Variants in ZNF407 observed in about 807,000 individuals in gnomAD.
The protein encoded by ZNF407 is zinc finger protein 407.
In ZNF407, 17 loss-of-function variants were observed where a neutral mutation model predicts 131.2. That is an observed-to-expected ratio of 0.13 (90% CI 0.09 to 0.19). The LOEUF is 0.19. ZNF407 is among the 10% of genes least tolerant of loss of function. The pLI is 1.00. For missense variants in ZNF407, 2,681 were observed against 2,830.6 expected, an observed-to-expected ratio of 0.95 and a Z score of 1.20; for synonymous variants, 1,156 against 1,062.0, an observed-to-expected ratio of 1.09 and a Z score of -1.72.
intron 3 of ZNF407, among the ~76,000 whole-genome samples, chr18:74,700,034 A>G (rs1407225792): frequency 6.6e-6 from 1 of 152,212 alleles, no homozygotes; most frequent in Admixed American, 6.5e-5. Flanking sequence ...TATGGTTACC[A>G]TGCTTAAAAA....
chr18:74,850,516 T>C (rs1970767276), intron 4 of ZNF407, among the ~76,000 whole-genome samples: 1 of 152,206 alleles, frequency 6.6e-6, no homozygotes, highest in Non-Finnish European at 1.5e-5. Flanking sequence ...TTATGGCAGA[T>C]GCACTCCCAT....
At chr18:74,638,883 G>T (rs1451807510) in intron 2 of ZNF407, among the ~76,000 whole-genome samples, 2 of 151,958 alleles carry the variant, frequency 1.3e-5, no homozygotes, top group Non-Finnish European at 2.9e-5. Flanking sequence ...AAACAGAAAT[G>T]TTATTAGTTA....
intron 3 of ZNF407, among the ~76,000 whole-genome samples, chr18:74,713,271 A>G (rs536647930): frequency 2.6e-5 from 4 of 152,144 alleles, no homozygotes; most frequent in African/African-American, 9.6e-5. Context: ...TGACATGGGC[A>G]ATTTATACAT....
Position 74,827,388 on chromosome 18 carries a change from CTTTA to C in ZNF407, c.4877+45894_4877+45897del, listed in dbSNP as rs200279643. Among the ~76,000 whole-genome samples, 445 of 152,042 alleles carry C rather than the reference CTTTA, an allele frequency of 2.9e-3. 3 individuals carry two copies. Among genetic ancestry groups the C allele is most frequent in the African/African-American group, 9.8e-3 (408 of 41,492 alleles). Reference sequence around the variant, plus strand: ...ATTTTTCTGTTGACATTTCTTTTCACTTTATTTATTTTTCTTAATTTGTTGGTAT... The same window carrying C: ...ATTTTTCTGTTGACATTTCTTTTCACTTTATTTTTCTTAATTTGTTGGTAT... On this transcript the variant is annotated intron_variant, in intron 4 of 8. Coordinates refer to ENST00000299687, the MANE Select transcript of ZNF407 (RefSeq NM_017757.3).
At chr18:75,022,907 A>G (rs1568303813) in intron 8 of ZNF407, among the ~76,000 whole-genome samples, 1 of 152,328 alleles carries the variant, frequency 6.6e-6, no homozygotes, top group East Asian at 1.9e-4. Flanking sequence ...ACTATTAACA[A>G]TAGCAAAGAC....
intron 1 of ZNF407, among the ~76,000 whole-genome samples, chr18:74,614,803 G>A (rs751986062): frequency 4.6e-5 from 7 of 152,132 alleles, no homozygotes; most frequent in Non-Finnish European, 1.0e-4. Context: ...TTTTCCAGTT[G>A]CATTTCTGAG....
chr18:74,995,974 T>C (rs956152823), intron 8 of ZNF407, among the ~76,000 whole-genome samples: 1 of 152,260 alleles, frequency 6.6e-6, no homozygotes, highest in Non-Finnish European at 1.5e-5. Context: ...TGTGAATACA[T>C]GGTCTTTGGA....
intron 4 of ZNF407, among the ~76,000 whole-genome samples, chr18:74,787,266 A>C (rs1243481113): frequency 1.3e-5 from 2 of 152,218 alleles, no homozygotes; most frequent in Non-Finnish European, 2.9e-5. Context: ...TTACTAAGGC[A>C]CATGTGGAGA....
intron 8 of ZNF407, among the ~76,000 whole-genome samples, chr18:74,921,884 A>G (rs770040441): frequency 1.3e-5 from 2 of 152,226 alleles, no homozygotes; most frequent in Non-Finnish European, 1.5e-5. Context: ...TATCTATGTT[A>G]TAAGAAATTG....
At chr18:74,866,987 GAA>G (rs35418996) in intron 4 of ZNF407, among the ~76,000 whole-genome samples, 140 of 62,774 alleles carry the variant, frequency 2.2e-3, no homozygotes, top group East Asian at 3.9e-3. Context: ...GTGTCTACCC[GAA>G]AAAAAAAAAA....
chr18:74,798,902 T>C (rs1346116869), intron 4 of ZNF407, among the ~76,000 whole-genome samples: 1 of 152,124 alleles, frequency 6.6e-6, no homozygotes, highest in Non-Finnish European at 1.5e-5. Context: ...TTTATAATAG[T>C]GTTGATGCTT....
chr18:75,017,964 T>C (rs986644165), intron 8 of ZNF407, among the ~76,000 whole-genome samples: 1 of 152,162 alleles, frequency 6.6e-6, no homozygotes, highest in Non-Finnish European at 1.5e-5. Context: ...CTAAGCAAAC[T>C]GTAATTGAAT....
chr18:74,707,550 C>T (rs1484405899), intron 3 of ZNF407, among the ~76,000 whole-genome samples: 2 of 152,120 alleles, frequency 1.3e-5, no homozygotes, highest in African/African-American at 2.4e-5. Context: ...GTTGATGCTC[C>T]AAAAGTTTCG....
chr18:74,812,509 A>G (rs1292011259), intron 4 of ZNF407, among the ~76,000 whole-genome samples: 1 of 151,934 alleles, frequency 6.6e-6, no homozygotes, highest in Non-Finnish European at 1.5e-5. Context: ...TTCTGCTTTT[A>G]TGATTTTGTC....
At position 74,631,189 on chromosome 18, in the gene ZNF407, C is replaced by T. The variant is rs760449200; in HGVS notation, c.170C>T (p.Ser57Leu). The T allele has an allele frequency of 3.1e-6, 5 of 1,613,904 alleles. No homozygotes were observed. The highest frequency in any genetic ancestry group is 1.1e-5 in the South Asian group (1 of 91,064). ...SMGKRGFSES[S>L]NSDSVVIGED... ...GGCAAAAGAGGTTTTTCAGAATCAT[C>T]GAACTCTGATAGTGTTGTTATAGGA... The change falls in exon 2 of 9, where the codon TCG (serine) becomes TTG (leucine). Residue 57 changes from serine (S) to leucine (L), a missense_variant. This residue lies in a region of ZNF407 where 1,789 missense variants were observed against 1,748.7 expected (regional missense o/e 1.02). Transcript: ENST00000299687.
intron 4 of ZNF407, among the ~76,000 whole-genome samples, chr18:74,818,865 T>A (rs374657005): frequency 3.9e-4 from 55 of 139,382 alleles, no homozygotes; most frequent in South Asian, 7.2e-4. Context: ...CATTGAACAG[T>A]AAAAAAAAAA....
intron 8 of ZNF407, among the ~76,000 whole-genome samples, chr18:74,979,657 G>A (rs1158798679): frequency 1.3e-5 from 2 of 152,116 alleles, no homozygotes; most frequent in African/African-American, 4.8e-5. Context: ...CTCTAAGATA[G>A]CAGTGGAAAA....
intron 1 of ZNF407, among the ~76,000 whole-genome samples, chr18:74,606,428 T>G (rs1490131407): frequency 3.9e-5 from 6 of 152,158 alleles, no homozygotes; most frequent in Non-Finnish European, 8.8e-5. Flanking sequence ...AAATATATTT[T>G]GAGTAGATAC....
intron 3 of ZNF407, among the ~76,000 whole-genome samples, chr18:74,647,632 T>C (rs1985033033): frequency 6.6e-6 from 1 of 152,220 alleles, no homozygotes; most frequent in South Asian, 2.1e-4. Context: ...GCTGTTTCTT[T>C]TCACAAGAGC....
Sources: gnomAD v4.1 joint callset for allele counts (sites outside exome capture counted in the v4.1 genomes callset) on GRCh38, gnomAD v4.1.1 for gene constraint, gnomAD v4.1.1 regional missense constraint, MANE v1.5 for transcripts, NCBI Gene and HGNC (gene_info 2026-07-23, HGNC 2026-07-21) for gene names.